The following ADCY1 variants were observed in gnomAD, a reference collection of about 807,000 sequenced individuals.
ADCY1 encodes adenylate cyclase type 1.
Under a neutral mutation model 105.4 loss-of-function variants are expected in ADCY1, and 28 were observed. The ratio of observed to expected loss-of-function variants is 0.27; its 90% CI spans 0.20 to 0.36. ADCY1 has a LOEUF of 0.36. ADCY1 is among the 10% of genes least tolerant of loss of function. The pLI, the probability that ADCY1 is intolerant of heterozygous loss-of-function variation, is 1.00. For missense variants in ADCY1, 977 were observed against 1,434.2 expected (o/e 0.68, Z 5.15); for synonymous variants, 655 against 623.8 (o/e 1.05, Z -0.75).
chr7:45,709,441 A>C (rs1465036498), intron 18 of ADCY1, among the ~76,000 whole-genome samples: 1 of 152,172 alleles, frequency 6.6e-6, no homozygotes, highest in Non-Finnish European at 1.5e-5. Context: ...GTGCTAGCCT[A>C]GTGTTCTTTA....
chr7:45,707,227 C>T (rs757108353), intron 17 of ADCY1, among the ~76,000 whole-genome samples: 2 of 152,174 alleles, frequency 1.3e-5, no homozygotes, highest in Non-Finnish European at 2.9e-5. Flanking sequence ...GAAATGAGAA[C>T]TTATGTCCAT....
chr7:45,679,831 C>G (rs781255565), intron 11 of ADCY1, 38 bp downstream of exon 11: 7 of 1,606,182 alleles, frequency 4.4e-6, no homozygotes, highest in Non-Finnish European at 6.0e-6. Context: ...TGCATATCAC[C>G]TGGTTCATGT....
intron 2 of ADCY1, among the ~76,000 whole-genome samples, chr7:45,597,578 CT>C (rs1260087214): frequency 6.6e-6 from 1 of 152,224 alleles, no homozygotes; most frequent in Non-Finnish European, 1.5e-5. Flanking sequence ...ACACTAGGAG[CT>C]TTCTCCTTCC....
intron 3 of ADCY1, among the ~76,000 whole-genome samples, chr7:45,620,843 C>G (rs1000095107): frequency 6.6e-6 from 1 of 152,178 alleles, no homozygotes; most frequent in African/African-American, 2.4e-5. Context: ...AGAGCAGCAC[C>G]TGCTGTTACC....
At chr7:45,670,080 A>G (rs1462817619) in intron 8 of ADCY1, among the ~76,000 whole-genome samples, 1 of 152,228 alleles carries the variant, frequency 6.6e-6, no homozygotes, top group Non-Finnish European at 1.5e-5. Context: ...AATTTTAGAA[A>G]ATACTCTTGA....
chr7:45,658,674 T>C (rs1275109738), intron 6 of ADCY1, among the ~76,000 whole-genome samples: 1 of 152,244 alleles, frequency 6.6e-6, no homozygotes, highest in Non-Finnish European at 1.5e-5. Flanking sequence ...CTGTCTTCAT[T>C]GCTGATGGAA....
At chr7:45,579,918 A>T (rs1057245243) in intron 1 of ADCY1, among the ~76,000 whole-genome samples, 1 of 152,004 alleles carries the variant, frequency 6.6e-6, no homozygotes, top group African/African-American at 2.4e-5. Context: ...ACAGCAGGGG[A>T]CATCCATGCC....
intron 19 of ADCY1, among the ~76,000 whole-genome samples, chr7:45,711,588 A>T (rs1785230521): frequency 7.2e-6 from 1 of 139,504 alleles, no homozygotes. Context: ...ACCACCATCC[A>T]CCTCCAGAAC....
chr7:45,589,569 C>T (rs866258590), intron 1 of ADCY1, among the ~76,000 whole-genome samples: 7 of 152,134 alleles, frequency 4.6e-5, no homozygotes, highest in South Asian at 2.1e-4. Flanking sequence ...TGGAGAGAAT[C>T]GAGAGTTCCA....
At position 45,721,848 on chromosome 7, in the gene ADCY1, A is replaced by C. The variant is rs1206938403; in HGVS notation, c.*7853A>C. ...TACCGGGCGGTTCAGACCTTCAAAT[A>C]GGTTGCTTTCAAAAGAGCTTTCAGG... On this transcript the variant is annotated 3_prime_UTR_variant, in exon 20 of 20. Transcript: ENST00000297323. The C allele has an allele frequency of 7.5e-6, 3 of 398,520 alleles. No homozygotes were observed. In the East Asian group the frequency reaches 1.1e-4, roughly 14 times the overall value. 24.7% of individuals were successfully genotyped at this position (398,520 alleles called of 1,614,324 possible).
intron 4 of ADCY1, among the ~76,000 whole-genome samples, chr7:45,624,177 T>A (rs1180499008): frequency 6.6e-6 from 1 of 152,140 alleles, no homozygotes; most frequent in Admixed American, 6.5e-5. Context: ...AGGGGCATTC[T>A]GAGCACAGGG....
At chr7:45,676,316 A>G (rs1193525508) in intron 8 of ADCY1, among the ~76,000 whole-genome samples, 1 of 152,114 alleles carries the variant, frequency 6.6e-6, no homozygotes, top group Non-Finnish European at 1.5e-5. Flanking sequence ...TGACTGCTTT[A>G]AAATTCTTGT....
At position 45,703,819 on chromosome 7, in the gene ADCY1, C is replaced by T; in HGVS notation, c.2718+73C>T. The T allele has an allele frequency of 6.7e-7, 1 of 1,496,890 alleles. No individual in the cohort carries two copies. Among genetic ancestry groups the T allele is most frequent in the South Asian group, 1.4e-5 (1 of 73,834 alleles). The allele number at this position is 1,496,890 out of a possible 1,614,324, so 92.7% of individuals were successfully genotyped here. The stretch of plus-strand genomic sequence containing the variant: ...ATCCTGTTGCGTGGGCAGAGCGTGT[C>T]TCACAATATGTCACATTCTTCGTAG... On this transcript the variant is annotated intron_variant, in intron 16 of 19. Transcript: ENST00000297323. This position sits in a 1 kb window ranked among gnomAD's most constrained non-coding sequence, Gnocchi z 5.9.
At chr7:45,660,556 G>A (rs1795067752) in intron 7 of ADCY1, among the ~76,000 whole-genome samples, 1 of 152,260 alleles carries the variant, frequency 6.6e-6, no homozygotes, top group Non-Finnish European at 1.5e-5. Context: ...GAGGTGGGCT[G>A]TTACCGTCTT....
intron 3 of ADCY1, among the ~76,000 whole-genome samples, chr7:45,611,814 T>C (rs1793600866): frequency 6.6e-6 from 1 of 152,196 alleles, no homozygotes; most frequent in Non-Finnish European, 1.5e-5. Flanking sequence ...TTGAGGGACC[T>C]GAAACACTTT....
At chr7:45,610,349 G>A (rs768945350) in intron 2 of ADCY1, 30 bp from the exon 3 acceptor site, 22 of 1,591,152 alleles carry the variant, frequency 1.4e-5, no homozygotes, top group Non-Finnish European at 1.7e-5. Context: ...GGGCCCTGCT[G>A]TCTAACCCGG....
chr7:45,585,474 G>T (rs914065464), intron 1 of ADCY1, among the ~76,000 whole-genome samples: 1 of 133,804 alleles, frequency 7.5e-6, no homozygotes, highest in Non-Finnish European at 1.5e-5. Context: ...ATGAAGTTTC[G>T]CTCTTGTTAC....
chr7:45,711,999 T>TTATATTAAATATATATTTTA (rs1562736124), intron 19 of ADCY1, among the ~76,000 whole-genome samples: 1 of 118,052 alleles, frequency 8.5e-6, no homozygotes, highest in Non-Finnish European at 1.6e-5. Flanking sequence ...ATTTTATATA[T>TTATATTAAATATATATTTTA]TATATTAAAT....
chr7:45,629,594 C>T (rs1481828117), intron 4 of ADCY1, among the ~76,000 whole-genome samples: 1 of 151,612 alleles, frequency 6.6e-6, no homozygotes, highest in African/African-American at 2.4e-5. Context: ...TCTCGGCTCA[C>T]TGCAAGCTCC....
Sources: gnomAD v4.1 joint callset for allele counts (sites outside exome capture counted in the v4.1 genomes callset) on GRCh38, gnomAD v4.1.1 for gene constraint, Gnocchi (gnomAD v3.1) non-coding constraint, MANE v1.5 for transcripts, NCBI Gene and HGNC (gene_info 2026-07-23, HGNC 2026-07-21) for gene names.